The following ZC3H12B variants were observed in gnomAD, a reference collection of about 807,000 sequenced individuals.
The protein encoded by ZC3H12B is zinc finger CCCH-type containing 12B.
A neutral mutation model predicts 43.9 loss-of-function variants in ZC3H12B; 7 were observed. The ratio of observed to expected loss-of-function variants is 0.16; its 90% CI spans 0.09 to 0.30. ZC3H12B has a LOEUF of 0.30. Among genes scored for constraint, ZC3H12B ranks in the 10% least tolerant of loss-of-function variants. The probability of loss-of-function intolerance (pLI) is 1.00; values close to 1 mark genes in which losing one functional copy is unlikely to be tolerated. For missense variants in ZC3H12B, 475 were observed against 670.2 expected (o/e 0.71, Z 3.22); for synonymous variants, 222 against 241.7 (o/e 0.92, Z 0.76).
At chrX:65,134,589 A>G in the ZC3H12B span, among the ~76,000 whole-genome samples, 1 of 111,394 alleles carries the variant, frequency 9.0e-6, no homozygotes, top group Non-Finnish European at 1.9e-5. Context: ...AATTCATGAG[A>G]TGTTCCTTGG....
chrX:65,294,534 A>G, the ZC3H12B span, among the ~76,000 whole-genome samples: 2 of 111,690 alleles, frequency 1.8e-5, no homozygotes, highest in Non-Finnish European at 3.8e-5. Context: ...AATGCCCTAA[A>G]TGCTCCACCT....
the ZC3H12B span, among the ~76,000 whole-genome samples, chrX:65,283,100 C>T: frequency 9.0e-6 from 1 of 111,517 alleles, no homozygotes; most frequent in Admixed American, 9.5e-5. Context: ...CCGAATCCAG[C>T]ATCACATCGA....
chrX:65,442,769 T>C (rs2148128433), intron 3 of ZC3H12B, among the ~76,000 whole-genome samples: 1 of 112,380 alleles, frequency 8.9e-6, no homozygotes, highest in East Asian at 2.8e-4. Context: ...TTTTAATTTT[T>C]TGAGTAATTT....
chrX:65,334,469 C>G, the ZC3H12B span, among the ~76,000 whole-genome samples: 2 of 112,088 alleles, frequency 1.8e-5, no homozygotes, highest in Non-Finnish European at 3.8e-5. Flanking sequence ...CCTTGCACAT[C>G]TTGCATGTAA....
the ZC3H12B span, among the ~76,000 whole-genome samples, chrX:65,242,554 C>A: frequency 8.9e-6 from 1 of 111,914 alleles, no homozygotes; most frequent in African/African-American, 3.3e-5. Context: ...TATGTCCATA[C>A]CATCCAAAGT....
At chrX:65,255,374 G>A in the ZC3H12B span, among the ~76,000 whole-genome samples, 1 of 111,684 alleles carries the variant, frequency 9.0e-6, no homozygotes. Context: ...AAACCCTACA[G>A]GCCAGAAGAA....
the ZC3H12B span, among the ~76,000 whole-genome samples, chrX:65,188,938 C>T: frequency 6.0e-3 from 400 of 66,953 alleles, 8 homozygotes; most frequent in African/African-American, 0.022. Flanking sequence ...CAATGCTATC[C>T]CTCCCCCCTC....
chrX:65,330,960 G>A, the ZC3H12B span: 2 of 313,810 alleles, frequency 6.4e-6, no homozygotes, highest in Non-Finnish European at 1.3e-5. Flanking sequence ...TCTTTCCTGG[G>A]GCAGCCCCTC....
intron 2 of ZC3H12B, among the ~76,000 whole-genome samples, chrX:65,380,660 G>T (rs1472032324): frequency 9.0e-6 from 1 of 111,621 alleles, no homozygotes; most frequent in African/African-American, 3.3e-5. Context: ...GACACAGACT[G>T]GCAAACTGGA....
At chrX:65,145,387 G>A in the ZC3H12B span, among the ~76,000 whole-genome samples, 5 of 110,777 alleles carry the variant, frequency 4.5e-5, no homozygotes, top group African/African-American at 1.6e-4. Flanking sequence ...TCTCTTGAAG[G>A]CAGCATATAA....
the ZC3H12B span, among the ~76,000 whole-genome samples, chrX:65,144,378 T>A: frequency 8.9e-6 from 1 of 112,396 alleles, no homozygotes; most frequent in African/African-American, 3.2e-5. Context: ...TCATGGTTAA[T>A]CTTGCTAATG....
At chrX:65,077,833 C>G in the ZC3H12B span, among the ~76,000 whole-genome samples, 1 of 112,189 alleles carries the variant, frequency 8.9e-6, no homozygotes, top group African/African-American at 3.2e-5. Context: ...TCAGGGAACT[C>G]ATAGCATTCT....
At chrX:65,319,197 A>T in the ZC3H12B span, among the ~76,000 whole-genome samples, 1 of 111,406 alleles carries the variant, frequency 9.0e-6, no homozygotes, top group African/African-American at 3.3e-5. Flanking sequence ...ATAAAGGGAA[A>T]AAAGAGGAAG....
the ZC3H12B span, among the ~76,000 whole-genome samples, chrX:65,117,436 G>GT: frequency 1.1e-4 from 12 of 111,629 alleles, no homozygotes; most frequent in East Asian, 2.8e-3. Flanking sequence ...ATTTGTTTAA[G>GT]TTTTTTTGTA....
the ZC3H12B span, among the ~76,000 whole-genome samples, chrX:65,268,829 A>G: frequency 8.9e-6 from 1 of 112,224 alleles, no homozygotes; most frequent in Admixed American, 9.5e-5. Context: ...AGGATATAAT[A>G]CAAGGCAAAA....
the ZC3H12B span, among the ~76,000 whole-genome samples, chrX:65,222,190 G>T: frequency 9.0e-6 from 1 of 111,213 alleles, no homozygotes; most frequent in Admixed American, 9.6e-5. Context: ...AGCATAGAAG[G>T]GGCATACCTT....
chrX:65,501,411 C>G (rs1231349637), intron 4 of ZC3H12B, among the ~76,000 whole-genome samples: 2 of 108,948 alleles, frequency 1.8e-5, no homozygotes, highest in Non-Finnish European at 3.8e-5. Flanking sequence ...CCACCATGCC[C>G]AGCTAATTTT....
the ZC3H12B span, among the ~76,000 whole-genome samples, chrX:65,313,150 G>A: frequency 9.0e-6 from 1 of 111,559 alleles, no homozygotes; most frequent in Admixed American, 9.5e-5. Context: ...CCAAAGGGCG[G>A]GATTACAGGC....
At chrX:65,337,044 G>A in the ZC3H12B span, among the ~76,000 whole-genome samples, 1 of 112,121 alleles carries the variant, frequency 8.9e-6, no homozygotes, top group African/African-American at 3.2e-5. Context: ...GTTGAGCCCT[G>A]AACCCAAGTT....
Sources: gnomAD v4.1 joint callset for allele counts (sites outside exome capture counted in the v4.1 genomes callset) on GRCh38, gnomAD v4.1.1 for gene constraint, MANE v1.5 for transcripts, NCBI Gene and HGNC (gene_info 2026-07-23, HGNC 2026-07-21) for gene names.